The following SEC24A variants were observed in gnomAD, a reference collection of about 807,000 sequenced individuals.
SEC24A encodes the protein protein transport protein Sec24A.
Under a neutral mutation model 129.4 loss-of-function variants are expected in SEC24A, and 93 were observed. The observed-to-expected ratio is 0.72, with a 90% CI of 0.61 to 0.85. The LOEUF is 0.85. Ranked by LOEUF, SEC24A falls within the 40% of genes least tolerant of loss-of-function variation. The pLI, the probability that SEC24A is intolerant of heterozygous loss-of-function variation, is 0.00. For missense variants in SEC24A, 1,264 were observed against 1,307.4 expected (o/e 0.97, Z 0.51); for synonymous variants, 460 against 467.3 (o/e 0.98, Z 0.20).
rs1403220874 is a variant in SEC24A at position 134,649,125 on chromosome 5, C to T, written c.49C>T (p.Gln17Ter). 3.7e-6 allele frequency: 6 copies of T among 1,610,248 alleles called. No homozygotes were observed. The highest frequency in any genetic ancestry group is 5.1e-6 in the Non-Finnish European group (6 of 1,178,462). The change falls in exon 1 of 23, where the codon CAG becomes TAG. Residue 17 changes from glutamine to a stop codon, truncating the protein, a stop_gained. Transcript: ENST00000398844. LOFTEE classifies it high-confidence loss of function. ...PASGGAPASLQAQNGAALASG... is the reference protein window; with the variant it reads ...PASGGAPASL ...CTCCGGCGGCGCCCCAGCCAGCCTCCAGGCCCAGAACGGAGCCGCCTTGGC... is the reference window on the plus strand; with the variant it reads ...CTCCGGCGGCGCCCCAGCCAGCCTCTAGGCCCAGAACGGAGCCGCCTTGGC...
chr5:134,703,573 A>G (rs1752065873), intron 15 of SEC24A, among the ~76,000 whole-genome samples, 186 bp from the exon 16 acceptor site: 1 of 152,160 alleles, frequency 6.6e-6, no homozygotes, highest in Non-Finnish European at 1.5e-5. Flanking sequence ...TGACCCAAAA[A>G]TGTTTTTTGA....
At position 134,688,276 on chromosome 5, in the gene SEC24A, T is replaced by A. The variant is rs888820153; in HGVS notation, c.1700T>A (p.Met567Lys). The A allele has an allele frequency of 3.2e-6, 5 of 1,586,558 alleles. No homozygotes were observed. The highest frequency in any genetic ancestry group is 4.3e-6 in the Non-Finnish European group (5 of 1,155,106). ...CAGGAAAGTCTCTCTCAACCTCAGA[T>A]GCTAATAGTTTCAGATATTGAAGGT... ...GLQESLSQPQMLIVSDIEDVF... is the reference protein window; with the variant it reads ...GLQESLSQPQKLIVSDIEDVF... Residue 567 changes from methionine (M) to lysine (K), a missense_variant, in exon 11 of 23, where the codon ATG (methionine) becomes AAG (lysine). Physicochemically the swap from Met to Lys is moderately conservative, Grantham distance 95 (BLOSUM62 -1). Coordinates refer to ENST00000398844, the MANE Select transcript of SEC24A (RefSeq NM_021982.3).
chr5:134,666,905 A>T lies in SEC24A; in HGVS notation c.648A>T (p.Gly216=). ...CTCCTCATGGGCCCCCTCCAGCTGG[A>T]GGCCCACCCCCAGTGAGGGCCCTCA... ...PGAPHGPPPA[G]GPPPVRALTP... is the part of the protein sequence containing the mutation. The change falls in exon 3 of 23, where the codon GGA becomes GGT. Residue 216 remains glycine, a synonymous_variant. Transcript: ENST00000398844. 1 of 1,612,650 alleles carries T rather than the reference A, an allele frequency of 6.2e-7. No homozygotes were observed. Among genetic ancestry groups the T allele is most frequent in the Non-Finnish European group, 8.5e-7 (1 of 1,178,754 alleles).
chr5:134,696,580 G>A (rs1320426634), intron 13 of SEC24A, among the ~76,000 whole-genome samples: 1 of 151,896 alleles, frequency 6.6e-6, no homozygotes, highest in East Asian at 1.9e-4. Context: ...CTCACTGCAA[G>A]CTCCGCCTCC....
chr5:134,699,858 G>A (rs1291108162), intron 15 of SEC24A, among the ~76,000 whole-genome samples: 4 of 151,588 alleles, frequency 2.6e-5, no homozygotes, highest in East Asian at 1.9e-4. Flanking sequence ...CTGACACTAC[G>A]CCTGACTAAT....
intron 16 of SEC24A, 120 bp downstream of exon 16, chr5:134,704,052 TTTTATTTATTTA>T (rs58595047): frequency 9.2e-5 from 35 of 381,306 alleles, no homozygotes; most frequent in South Asian, 5.4e-4. Context: ...AAATTGCTGT[TTTTATTTATTTA>T]TTTATTTATT....
intron 11 of SEC24A, among the ~76,000 whole-genome samples, chr5:134,691,850 C>T (rs1277272998): frequency 6.6e-6 from 1 of 151,334 alleles, no homozygotes; most frequent in Non-Finnish European, 1.5e-5. Flanking sequence ...GTATTGCTTC[C>T]TTATGAAGAC....
intron 1 of SEC24A, among the ~76,000 whole-genome samples, chr5:134,651,180 C>G (rs1157931595): frequency 1.3e-5 from 2 of 149,860 alleles, no homozygotes; most frequent in Non-Finnish European, 3.0e-5. Context: ...CTCACTGTCA[C>G]TCCTGGGCTC....
Position 134,693,723 on chromosome 5 carries a change from C to G in SEC24A, c.1780-4C>G. 1 of 1,610,932 alleles carries G rather than the reference C, an allele frequency of 6.2e-7. No homozygotes were observed. Among genetic ancestry groups the G allele is most frequent in the Non-Finnish European group, 8.5e-7 (1 of 1,179,008 alleles). ...ACTTGAGTTTTCTTGCTTTGTTTTA[C>G]AAGCTCGTGCAAGATTTACTGAAAA... On this transcript the variant is annotated splice_polypyrimidine_tract_variant and splice_region_variant and intron_variant, in intron 12 of 22. Coordinates refer to ENST00000398844, the MANE Select transcript of SEC24A (RefSeq NM_021982.3).
rs372779213 is a variant in SEC24A at position 134,661,313 on chromosome 5, C to T, written c.292C>T (p.Pro98Ser). The change falls in exon 2 of 23, where the codon CCT (proline) becomes TCT (serine). Residue 98 changes from proline to serine, a missense_variant. Physicochemically the swap from Pro to Ser is moderately conservative, Grantham distance 74 (BLOSUM62 -1). Transcript: ENST00000398844. The stretch of plus-strand genomic sequence containing the variant: ...ACCTGTGGCCTCTAATCCAGTGACA[C>T]CTTCGCTTCATAGTGGTCCTGCTCC... ...RPPVASNPVT[P>S]SLHSGPAPRM... The T allele has an allele frequency of 6.8e-6, 11 of 1,614,080 alleles. No individual in the cohort carries two copies. In the African/African-American group the frequency reaches 1.5e-4, roughly 22 times the overall value.
intron 20 of SEC24A, among the ~76,000 whole-genome samples, chr5:134,719,884 C>T (rs1339289862): frequency 6.6e-6 from 1 of 152,040 alleles, no homozygotes; most frequent in African/African-American, 2.4e-5. Context: ...ACTTGGGAGG[C>T]TGAGGCAGGA....
Position 134,715,087 on chromosome 5 carries a change from A to G in SEC24A, c.2791A>G (p.Lys931Glu). 4 of 1,612,392 alleles carry G rather than the reference A, an allele frequency of 2.5e-6. No homozygotes were observed. The highest frequency in any genetic ancestry group is 3.4e-6 in the Non-Finnish European group (4 of 1,179,524). ...DERIFAMCQVKNQPLVYLMLT... is the reference protein window; with the variant it reads ...DERIFAMCQVENQPLVYLMLT... ...ACGCATTTTTGCTATGTGTCAAGTG[A>G]AAAACCAGCCCTTGGTTTACCTTAT... The change falls in exon 19 of 23, where the codon AAA (lysine) becomes GAA (glutamate). Residue 931 changes from lysine to glutamate, a missense_variant. Transcript: ENST00000398844.
At chr5:134,681,392 C>G (rs1247716080) in intron 8 of SEC24A, among the ~76,000 whole-genome samples, 3 of 151,788 alleles carry the variant, frequency 2.0e-5, no homozygotes, top group African/African-American at 7.3e-5. Flanking sequence ...AAGAGCAAAA[C>G]TCCATCTCAA....
chr5:134,684,024 G>A lies in SEC24A; in HGVS notation c.1491+1542G>A, dbSNP rs114808238. Among the ~76,000 whole-genome samples, 1,169 of 152,188 alleles carry A rather than the reference G, an allele frequency of 7.7e-3. 13 individuals are homozygous for A. Among genetic ancestry groups the A allele is most frequent in the African/African-American group, 0.027 (1,111 of 41,516 alleles). The stretch of plus-strand genomic sequence containing the variant: ...CCTTTTAATATTTTAGTGTATTTTG[G>A]CTGGGCACAGTGCCTCCTGCCTGTA... On this transcript the variant is annotated intron_variant, in intron 9 of 22. Coordinates refer to ENST00000398844, the MANE Select transcript of SEC24A (RefSeq NM_021982.3).
Position 134,722,626 on chromosome 5 carries a change from T to C in SEC24A, c.3064-941T>C, listed in dbSNP as rs952087774. 3.9e-5 allele frequency among the ~76,000 whole-genome samples: 6 copies of C among 152,142 alleles called. No individual in the cohort carries two copies. In the South Asian group the frequency reaches 1.0e-3, roughly 26 times the overall value. ...AAAAACAATGGCAAAGTTAAGTAGT[T>C]GCAGCAGAGACCAAATGATCTGCAA... On this transcript the variant is annotated intron_variant, in intron 21 of 22. Transcript: ENST00000398844.
chr5:134,662,315 C>A (rs980227623), intron 2 of SEC24A, among the ~76,000 whole-genome samples: 1 of 151,628 alleles, frequency 6.6e-6, no homozygotes. Context: ...CCACCACGCC[C>A]GGCTAATTTT....
chr5:134,724,196 A>G (rs897924300), intron 22 of SEC24A, among the ~76,000 whole-genome samples: 4 of 152,170 alleles, frequency 2.6e-5, no homozygotes, highest in Admixed American at 1.3e-4. Flanking sequence ...CAACTTTTTT[A>G]GGTTCCACAC....
Position 134,652,971 on chromosome 5 carries a change from T to A in SEC24A, c.97+3798T>A, listed in dbSNP as rs1165862011. 2.2e-5 allele frequency among the ~76,000 whole-genome samples: 3 copies of A among 136,408 alleles called. No homozygotes were observed. In the Admixed American group the frequency reaches 2.2e-4, roughly 10 times the overall value. The allele number at this position is 136,408 out of a possible 152,430, so 89.5% of individuals were successfully genotyped here. A position where few individuals can be genotyped will look rare whatever the true frequency, so the allele number is the denominator to read the frequency against. ...CACCACACCCGGCTAATTTTTTGTA[T>A]TTTTTTTTTTTTTTTAGTAGAGACA... On this transcript the variant is annotated intron_variant, in intron 1 of 22. Coordinates refer to ENST00000398844, the MANE Select transcript of SEC24A (RefSeq NM_021982.3).
intron 11 of SEC24A, among the ~76,000 whole-genome samples, chr5:134,690,897 C>A (rs141277331): frequency 6.6e-6 from 1 of 152,116 alleles, no homozygotes; most frequent in Non-Finnish European, 1.5e-5. Flanking sequence ...TGCAGTGGCG[C>A]GATCTCAGCT....
Sources: gnomAD v4.1 joint callset for allele counts (sites outside exome capture counted in the v4.1 genomes callset) on GRCh38, gnomAD v4.1.1 for gene constraint, MANE v1.5 for transcripts, NCBI Gene and HGNC (gene_info 2026-07-23, HGNC 2026-07-21) for gene names.